The following SLC24A2 variants were observed in gnomAD, a reference collection of about 807,000 sequenced individuals.
The protein encoded by SLC24A2 is sodium/potassium/calcium exchanger 2.
A neutral mutation model predicts 62.0 loss-of-function variants in SLC24A2; 36 were observed. The observed-to-expected ratio is 0.58, with a 90% CI of 0.44 to 0.77. SLC24A2 has a LOEUF of 0.77. SLC24A2 is among the 30% of genes least tolerant of loss of function. SLC24A2 has a pLI of 0.00. For synonymous variants in SLC24A2, 358 were observed against 294.0 expected (o/e 1.22, Z -2.23); for missense variants, 846 against 817.9 (o/e 1.03, Z -0.42).
At chr9:19,796,827 T>C in the SLC24A2 span, among the ~76,000 whole-genome samples, 2 of 152,228 alleles carry the variant, frequency 1.3e-5, no homozygotes, top group African/African-American at 4.8e-5. Context: ...TATATCTTGA[T>C]GATAATGTAC....
chr9:19,774,877 T>A (rs530786142), intron 2 of SLC24A2, among the ~76,000 whole-genome samples: 5 of 152,336 alleles, frequency 3.3e-5, no homozygotes, highest in African/African-American at 1.2e-4. Flanking sequence ...TAACTATCTC[T>A]TCTGTTGGCC....
At chr9:20,124,442 T>G in the SLC24A2 span, among the ~76,000 whole-genome samples, 1 of 152,170 alleles carries the variant, frequency 6.6e-6, no homozygotes, top group Admixed American at 6.5e-5. Flanking sequence ...TTATAAAAAT[T>G]TTGAATACAG....
intron 2 of SLC24A2, among the ~76,000 whole-genome samples, chr9:19,664,675 T>A (rs1027634603): frequency 2.0e-5 from 3 of 152,110 alleles, no homozygotes; most frequent in Middle Eastern, 3.2e-3. Flanking sequence ...TGGGCCTAAA[T>A]CCAATGACTG....
At chr9:20,280,791 C>G in the SLC24A2 span, among the ~76,000 whole-genome samples, 1 of 152,138 alleles carries the variant, frequency 6.6e-6, no homozygotes, top group African/African-American at 2.4e-5. Context: ...GGCCCTAAAT[C>G]TAATGGCAAA....
In SLC24A2 at chr9:19,525,391, C is replaced by CTTTTTTTTTTTT. The variant is rs572919824; in HGVS notation, c.1569+2646_1569+2657dup. 5.2e-4 allele frequency among the ~76,000 whole-genome samples: 40 copies of CTTTTTTTTTTTT among 76,378 alleles called. 4 individuals are homozygous for CTTTTTTTTTTTT. Among genetic ancestry groups the CTTTTTTTTTTTT allele is most frequent in the African/African-American group, 1.4e-3 (25 of 17,616 alleles). 50.1% of individuals were successfully genotyped at this position (76,378 alleles called of 152,430 possible). ...AAGGTTTTTTTTTCCTATTTCTTTA[C>CTTTTTTTTTTTT]TTTTTTTTTTTTTTTTTTTTTTTTT... On this transcript the variant is annotated intron_variant, in intron 9 of 10. Transcript: ENST00000341998.
chr9:20,186,067 A>G, the SLC24A2 span, among the ~76,000 whole-genome samples: 1 of 152,126 alleles, frequency 6.6e-6, no homozygotes, highest in African/African-American at 2.4e-5. Flanking sequence ...CTTGGGTGCC[A>G]TGATGAGGCT....
At chr9:19,951,135 G>C in the SLC24A2 span, among the ~76,000 whole-genome samples, 1 of 152,130 alleles carries the variant, frequency 6.6e-6, no homozygotes, top group Non-Finnish European at 1.5e-5. Context: ...AAGAGGTTTG[G>C]CCATAATGGG....
intron 9 of SLC24A2, among the ~76,000 whole-genome samples, chr9:19,525,421 A>G (rs1485957175): frequency 2.1e-5 from 2 of 96,192 alleles, no homozygotes; most frequent in African/African-American, 4.3e-5. Context: ...TTTTTTTTTA[A>G]AAGACAGGGT....
At chr9:20,221,367 T>C in the SLC24A2 span, among the ~76,000 whole-genome samples, 1 of 151,966 alleles carries the variant, frequency 6.6e-6, no homozygotes, top group South Asian at 2.1e-4. Context: ...CCAACAGAAA[T>C]GTTGGTAAGT....
the SLC24A2 span, among the ~76,000 whole-genome samples, chr9:19,846,552 C>T: frequency 6.6e-6 from 1 of 152,150 alleles, no homozygotes; most frequent in Non-Finnish European, 1.5e-5. Flanking sequence ...TAACTTGCCA[C>T]TCTGCCTTTT....
chr9:20,109,873 T>C, the SLC24A2 span, among the ~76,000 whole-genome samples: 4 of 152,158 alleles, frequency 2.6e-5, no homozygotes, highest in African/African-American at 7.2e-5. Flanking sequence ...TTCAGTCATA[T>C]GGGATGCCAC....
At chr9:20,022,854 CATGT>C in the SLC24A2 span, among the ~76,000 whole-genome samples, 1 of 152,074 alleles carries the variant, frequency 6.6e-6, no homozygotes, top group African/African-American at 2.4e-5. Flanking sequence ...GATAAAAAAG[CATGT>C]ATTGGAATAT....
intron 4 of SLC24A2, among the ~76,000 whole-genome samples, chr9:19,617,409 C>T (rs1301296809): frequency 6.6e-6 from 1 of 152,048 alleles, no homozygotes; most frequent in East Asian, 1.9e-4. Flanking sequence ...AATTGTGCAT[C>T]CTATCAGCAA....
intron 2 of SLC24A2, among the ~76,000 whole-genome samples, chr9:19,722,200 A>G (rs1169007858): frequency 1.3e-5 from 2 of 152,132 alleles, no homozygotes; most frequent in African/African-American, 4.8e-5. Flanking sequence ...AGATTTCCTT[A>G]GGTGAAAAAA....
At chr9:19,993,685 C>T in the SLC24A2 span, among the ~76,000 whole-genome samples, 1 of 152,176 alleles carries the variant, frequency 6.6e-6, no homozygotes, top group East Asian at 1.9e-4. Context: ...GAGTTCTACC[C>T]CATCTTGGTC....
the SLC24A2 span, among the ~76,000 whole-genome samples, chr9:20,063,408 T>C: frequency 6.9e-6 from 1 of 145,626 alleles, no homozygotes; most frequent in African/African-American, 2.6e-5. Flanking sequence ...AACCAAACAC[T>C]GCATATTGTC....
At chr9:19,936,564 T>C in the SLC24A2 span, among the ~76,000 whole-genome samples, 1 of 152,206 alleles carries the variant, frequency 6.6e-6, no homozygotes, top group Admixed American at 6.5e-5. Context: ...GCTCAGCCTC[T>C]TCACTTTGTA....
At chr9:19,518,425 CTTTTT>C (rs59805848) in intron 10 of SLC24A2, among the ~76,000 whole-genome samples, 262 of 141,270 alleles carry the variant, frequency 1.9e-3, no homozygotes, top group African/African-American at 6.5e-3. Context: ...CTTTTCTTTT[CTTTTT>C]TTTTTTTTTG....
Position 19,513,553 on chromosome 9 carries a change from A to C in SLC24A2, c.*2600T>G, listed in dbSNP as rs1832812056. On this transcript the variant is annotated 3_prime_UTR_variant, in exon 11 of 11. Coordinates refer to ENST00000341998, the MANE Select transcript of SLC24A2 (RefSeq NM_020344.4). ...TGAAAGACCACAACACTTCCTGTGA[A>C]GTGGAGCTCCGAGACAAGCAAAGGG... The C allele has an allele frequency of 6.6e-6, 1 of 152,124 alleles. No individual in the cohort carries two copies. Among genetic ancestry groups the C allele is most frequent in the South Asian group, 2.1e-4 (1 of 4,822 alleles). 9.4% of individuals were successfully genotyped at this position (152,124 alleles called of 1,614,324 possible).
Sources: gnomAD v4.1 joint callset for allele counts (sites outside exome capture counted in the v4.1 genomes callset) on GRCh38, gnomAD v4.1.1 for gene constraint, MANE v1.5 for transcripts, NCBI Gene and HGNC (gene_info 2026-07-23, HGNC 2026-07-21) for gene names.